SPECC1L: variants seen among roughly 807,000 people sequenced by gnomAD.
SPECC1L encodes the protein sperm antigen with calponin homology and coiled-coil domains 1 like, also known as cytospin-A.
Under a neutral mutation model 116.8 loss-of-function variants are expected in SPECC1L, and 40 were observed. The ratio of observed to expected loss-of-function variants is 0.34; its 90% CI spans 0.27 to 0.45. The LOEUF is 0.45. Ranked by LOEUF, SPECC1L falls within the 20% of genes least tolerant of loss-of-function variation. The pLI is 1.00. For synonymous variants in SPECC1L, 504 were observed against 500.6 expected (o/e 1.01, Z -0.09); for missense variants, 1,110 against 1,373.6 (o/e 0.81, Z 3.03).
chr22:24,295,840 C>T (rs551342974), intron 2 of SPECC1L, among the ~76,000 whole-genome samples: 2 of 152,098 alleles, frequency 1.3e-5, no homozygotes, highest in African/African-American at 2.4e-5. Flanking sequence ...CCCACCTACT[C>T]GGGAGGCTGA....
intron 2 of SPECC1L, among the ~76,000 whole-genome samples, chr22:24,282,079 A>G (rs933048659): frequency 1.3e-4 from 20 of 151,936 alleles, no homozygotes; most frequent in African/African-American, 1.7e-4. Flanking sequence ...AGGAGTTGAA[A>G]CTTTCTTCTT....
chr22:24,363,931 G>GGGGGTT (rs2041695981), intron 12 of SPECC1L, among the ~76,000 whole-genome samples: 1 of 144,088 alleles, frequency 6.9e-6, no homozygotes, highest in Non-Finnish European at 1.5e-5. Context: ...GGGTGGGGGT[G>GGGGGTT]GGGGTGGGAG....
At chr22:24,355,915 A>G (rs1040687356) in intron 11 of SPECC1L, among the ~76,000 whole-genome samples, 2 of 150,896 alleles carry the variant, frequency 1.3e-5, no homozygotes, top group African/African-American at 4.9e-5. Flanking sequence ...TTTGTCTGTC[A>G]TCATAGTTAC....
Position 24,388,148 on chromosome 22 carries a change from C to T in SPECC1L, c.3087+18828C>T, listed in dbSNP as rs183298661. On this transcript the variant is annotated intron_variant, in intron 14 of 16. Transcript: ENST00000314328. ...GCACAACGTGCAGGTTAGTTACATA[C>T]GTATACATGTGCCATGTTGGTGTGC... Among the ~76,000 whole-genome samples the T allele has an allele frequency of 1.1e-4, 16 of 151,438 alleles. No individual in the cohort carries two copies. The South Asian group carries it at 1.1e-3, about 10-fold the overall frequency.
chr22:24,384,498 G>A (rs764179604), intron 14 of SPECC1L, among the ~76,000 whole-genome samples: 14 of 152,200 alleles, frequency 9.2e-5, no homozygotes, highest in Non-Finnish European at 1.8e-4. Flanking sequence ...GATATATGTA[G>A]CTTGAAAATT....
At chr22:24,362,768 T>C (rs2146621050) in intron 11 of SPECC1L, among the ~76,000 whole-genome samples, 1 of 152,352 alleles carries the variant, frequency 6.6e-6, no homozygotes, top group Middle Eastern at 3.4e-3. Context: ...AAGCCTACCC[T>C]GCTGCCTGAA....
intron 14 of SPECC1L, among the ~76,000 whole-genome samples, chr22:24,382,413 A>G (rs918097994): frequency 2.6e-5 from 4 of 152,118 alleles, no homozygotes; most frequent in Non-Finnish European, 5.9e-5. Context: ...GACAACCTCA[A>G]GAGTAATGAG....
At chr22:24,390,864 TTTC>T (rs1312205253) in intron 14 of SPECC1L, among the ~76,000 whole-genome samples, 13 of 67,400 alleles carry the variant, frequency 1.9e-4, no homozygotes, top group African/African-American at 3.6e-4. Flanking sequence ...TTTTTTTTTT[TTTC>T]TTTTCTTTTT....
chr22:24,364,273 G>T (rs891144606), intron 12 of SPECC1L, among the ~76,000 whole-genome samples: 2 of 152,204 alleles, frequency 1.3e-5, no homozygotes, highest in African/African-American at 4.8e-5. Context: ...TACTATGCCA[G>T]ACTTCAGAAT....
Position 24,276,742 on chromosome 22 carries a change from C to T in SPECC1L, c.-99C>T, listed in dbSNP as rs1291657730. On this transcript the variant is annotated 5_prime_UTR_variant, in exon 2 of 17. Transcript: ENST00000314328. ...CCGACTAAGCCATTTTCCAGTGGCA[C>T]CTCTTCCATCATGAGTTCCTGAGGC... 6.6e-6 allele frequency: 3 copies of T among 453,436 alleles called. No individual in the cohort carries two copies. The highest frequency in any genetic ancestry group is 1.3e-5 in the Non-Finnish European group (3 of 226,570). 28.1% of individuals were successfully genotyped at this position (453,436 alleles called of 1,614,324 possible). A position where few individuals can be genotyped will look rare whatever the true frequency, so the allele number is the denominator to read the frequency against.
intron 11 of SPECC1L, among the ~76,000 whole-genome samples, chr22:24,361,642 A>G (rs1341009971): frequency 1.3e-5 from 2 of 151,792 alleles, no homozygotes; most frequent in African/African-American, 2.4e-5. Context: ...CAAAAAATAC[A>G]AAAATTAGTC....
At chr22:24,399,552 C>G (rs892994686) in intron 14 of SPECC1L, among the ~76,000 whole-genome samples, 1 of 150,806 alleles carries the variant, frequency 6.6e-6, no homozygotes, top group African/African-American at 2.4e-5. Flanking sequence ...GCCTGGGCGA[C>G]AAAGCGAGAC....
intron 14 of SPECC1L, among the ~76,000 whole-genome samples, chr22:24,393,155 A>T (rs534271157): frequency 1.4e-3 from 212 of 152,212 alleles, no homozygotes; most frequent in Non-Finnish European, 2.6e-3. Context: ...TCTGAAGAAG[A>T]TGTGGGGCCA....
At chr22:24,410,958 G>T (rs978093850) in intron 14 of SPECC1L, among the ~76,000 whole-genome samples, 1 of 152,124 alleles carries the variant, frequency 6.6e-6, no homozygotes, top group Non-Finnish European at 1.5e-5. Flanking sequence ...GGAGGCCAAG[G>T]CGGGTGGATC....
intron 11 of SPECC1L, among the ~76,000 whole-genome samples, chr22:24,353,771 CA>C (rs1047460817): frequency 1.6e-4 from 25 of 152,214 alleles, no homozygotes; most frequent in African/African-American, 6.0e-4. Flanking sequence ...GTTATTTTAT[CA>C]GGGGTACATG....
rs1454134067 is a variant in SPECC1L, at chr22:24,347,684, T to A, written c.2743+508T>A. ...GGAACTTGCTGTTTTCACACAGCCA[T>A]TTTTTTTTTAAGCTGGAGTATCACT... On this transcript the variant is annotated intron_variant, in intron 11 of 16. Coordinates refer to ENST00000314328, the MANE Select transcript of SPECC1L (RefSeq NM_015330.6). 3.3e-5 allele frequency among the ~76,000 whole-genome samples: 5 copies of A among 149,550 alleles called. No individual in the cohort carries two copies. The South Asian group carries it at 1.1e-3, about 32-fold the overall frequency.
At chr22:24,303,847 GTGT>G (rs1569412510) in intron 3 of SPECC1L, among the ~76,000 whole-genome samples, 22 of 26,464 alleles carry the variant, frequency 8.3e-4, no homozygotes, top group Middle Eastern at 0.022. Flanking sequence ...TAAATAGGGT[GTGT>G]GTGTGTGTGT....
rs186699407 is a variant in SPECC1L at position 24,358,735 on chromosome 22, G to A, written c.2744-4526G>A. The stretch of plus-strand genomic sequence containing the variant: ...TTCAAGACAGTAAGACTGGGTTTTC[G>A]ACCAAATTTTAACTGCCCCACTTGG... On this transcript the variant is annotated intron_variant, in intron 11 of 16. Transcript: ENST00000314328. 3.0e-3 allele frequency among the ~76,000 whole-genome samples: 449 copies of A among 152,166 alleles called. 4 individuals are homozygous for A. The highest frequency in any genetic ancestry group is 3.8e-3 in the Non-Finnish European group (259 of 68,012).
At chr22:24,334,764 G>A (rs1201659880) in intron 9 of SPECC1L, among the ~76,000 whole-genome samples, 191 bp downstream of exon 9, 1 of 152,224 alleles carries the variant, frequency 6.6e-6, no homozygotes, top group Non-Finnish European at 1.5e-5. Context: ...CTTCAGAGGT[G>A]TTAGTCTTAG....
Sources: allele counts gnomAD v4.1 joint callset (sites outside exome capture counted in the v4.1 genomes callset), GRCh38; gene constraint gnomAD v4.1.1; transcripts MANE v1.5; gene names NCBI Gene and HGNC (gene_info 2026-07-23, HGNC 2026-07-21).